Variants in PRKCQ observed in about 807,000 individuals in gnomAD.
PRKCQ encodes the protein protein kinase C theta type.
A neutral mutation model predicts 91.2 loss-of-function variants in PRKCQ; 41 were observed. The ratio of observed to expected loss-of-function variants is 0.45; its 90% CI spans 0.35 to 0.58. The LOEUF is 0.58. Ranked by LOEUF, PRKCQ falls within the 20% of genes least tolerant of loss-of-function variation. The pLI, the probability that PRKCQ is intolerant of heterozygous loss-of-function variation, is 0.00. For missense variants in PRKCQ, 673 were observed against 896.5 expected (o/e 0.75, Z 3.18); for synonymous variants, 307 against 316.9 (o/e 0.97, Z 0.33).
downstream of PRKCQ, among the ~76,000 whole-genome samples, chr10:6,425,761 C>T (rs930170494): frequency 6.6e-6 from 1 of 151,810 alleles, no homozygotes; most frequent in Non-Finnish European, 1.5e-5. Context: ...TCAAGACCAG[C>T]CTAGGAAACA....
chr10:6,454,118 A>G (rs1729717866), intron 15 of PRKCQ, among the ~76,000 whole-genome samples: 1 of 152,202 alleles, frequency 6.6e-6, no homozygotes, highest in Admixed American at 6.6e-5. Context: ...ACTATATATT[A>G]TTGTTAGTAT....
At chr10:6,404,593 TTCTC>T in the PRKCQ span, among the ~76,000 whole-genome samples, 11 of 141,696 alleles carry the variant, frequency 7.8e-5, no homozygotes, top group East Asian at 4.8e-4. Context: ...CTTTCTTTTT[TTCTC>T]TCTCTCTTTC....
intron 4 of PRKCQ, among the ~76,000 whole-genome samples, chr10:6,499,820 G>A (rs779274376): frequency 1.1e-4 from 17 of 152,182 alleles, no homozygotes. Flanking sequence ...ATACCTTATT[G>A]TCCAATCCCT....
chr10:6,406,724 C>T, the PRKCQ span, among the ~76,000 whole-genome samples: 1 of 152,038 alleles, frequency 6.6e-6, no homozygotes, highest in African/African-American at 2.4e-5. Context: ...TAAGATGTGC[C>T]GCCTGAGGCA....
intron 1 of PRKCQ, among the ~76,000 whole-genome samples, chr10:6,519,569 T>G (rs1838912797): frequency 6.6e-6 from 1 of 152,146 alleles, no homozygotes; most frequent in African/African-American, 2.4e-5. Context: ...CAACTCTGAT[T>G]GGACAGGGAA....
the PRKCQ span, among the ~76,000 whole-genome samples, chr10:6,398,748 C>A: frequency 2.3e-5 from 3 of 129,256 alleles, no homozygotes; most frequent in African/African-American, 5.4e-5. Flanking sequence ...TTTTCTTTTT[C>A]TTTTTTTTTC....
intron 15 of PRKCQ, among the ~76,000 whole-genome samples, chr10:6,448,916 A>G (rs537523942): frequency 6.6e-6 from 1 of 151,976 alleles, no homozygotes; most frequent in South Asian, 2.1e-4. Context: ...GGACATCCAC[A>G]CCAAAAACCC....
At position 6,441,213 on chromosome 10, in the gene PRKCQ, A is replaced by T. The variant is rs1479310579; in HGVS notation, c.1836+680T>A. Among the ~76,000 whole-genome samples, 10 of 147,838 alleles carry T rather than the reference A, an allele frequency of 6.8e-5. No individual in the cohort carries two copies. In the East Asian group the frequency reaches 8.5e-4, roughly 13 times the overall value. ...TGGGAAACAAAAGACTGAGTAAAAT[A>T]AAAAAAAACCCTCTATATAACATAA... On this transcript the variant is annotated intron_variant, in intron 16 of 17. Coordinates refer to ENST00000263125, the MANE Select transcript of PRKCQ (RefSeq NM_006257.5).
intron 1 of PRKCQ, among the ~76,000 whole-genome samples, chr10:6,544,163 C>G (rs1488876050): frequency 6.6e-6 from 1 of 152,150 alleles, no homozygotes; most frequent in Admixed American, 6.5e-5. Context: ...GTAGAATATT[C>G]ATGGGAATTT....
intron 15 of PRKCQ, among the ~76,000 whole-genome samples, chr10:6,448,597 CG>C (rs945704495): frequency 2.6e-5 from 4 of 151,882 alleles, no homozygotes; most frequent in African/African-American, 9.7e-5. Flanking sequence ...TTAGTAGAGA[CG>C]GGGTTTCACC....
At chr10:6,509,021 A>G (rs1838337657) in intron 3 of PRKCQ, among the ~76,000 whole-genome samples, 1 of 152,248 alleles carries the variant, frequency 6.6e-6, no homozygotes, top group South Asian at 2.1e-4. Context: ...TATAAGTCCC[A>G]ACAACCTGTT....
At chr10:6,578,113 G>A (rs1301970030) in intron 1 of PRKCQ, among the ~76,000 whole-genome samples, 1 of 152,300 alleles carries the variant, frequency 6.6e-6, no homozygotes, top group African/African-American at 2.4e-5. Flanking sequence ...GAGACAGAGA[G>A]TATTATTGTT....
At chr10:6,441,343 T>C (rs1218188744) in intron 16 of PRKCQ, among the ~76,000 whole-genome samples, 1 of 152,204 alleles carries the variant, frequency 6.6e-6, no homozygotes, top group Non-Finnish European at 1.5e-5. Context: ...TGTTTCTCCA[T>C]GTTGGTCAGG....
chr10:6,578,595 G>C (rs1841329453), intron 1 of PRKCQ, among the ~76,000 whole-genome samples: 1 of 152,160 alleles, frequency 6.6e-6, no homozygotes, highest in African/African-American at 2.4e-5. Flanking sequence ...GGTTTTAGAA[G>C]CTCTCCCTAC....
At chr10:6,420,548 G>T in the PRKCQ span, among the ~76,000 whole-genome samples, 32 of 151,840 alleles carry the variant, frequency 2.1e-4, no homozygotes, top group African/African-American at 7.7e-4. Context: ...CCTTTTTTTT[G>T]GTAAAATATA....
intron 1 of PRKCQ, among the ~76,000 whole-genome samples, chr10:6,567,643 G>A (rs538661752): frequency 1.3e-5 from 2 of 152,244 alleles, no homozygotes; most frequent in East Asian, 3.9e-4. Flanking sequence ...CATTGTTTTA[G>A]CTGGGGTTTA....
chr10:6,502,192 C>A (rs916049255), intron 4 of PRKCQ, among the ~76,000 whole-genome samples: 1 of 152,196 alleles, frequency 6.6e-6, no homozygotes, highest in Non-Finnish European at 1.5e-5. Flanking sequence ...GAGGTATTCA[C>A]AGGATGCTGT....
At position 6,564,039 on chromosome 10, in the gene PRKCQ, G is replaced by C. The variant is rs75823422; in HGVS notation, c.-10+16172C>G. On this transcript the variant is annotated intron_variant, in intron 1 of 17. Coordinates refer to ENST00000263125, the MANE Select transcript of PRKCQ (RefSeq NM_006257.5). Reference sequence around the variant, plus strand: ...CAGGCCTGGGATCAGGTGCAGAGCTGTAAAATGCAAGAGGCTTCTGGGGAG... The same window carrying C: ...CAGGCCTGGGATCAGGTGCAGAGCTCTAAAATGCAAGAGGCTTCTGGGGAG... Among the ~76,000 whole-genome samples, 1,416 of 152,304 alleles carry C rather than the reference G, an allele frequency of 9.3e-3. 15 individuals are homozygous for C. The highest frequency in any genetic ancestry group is 0.032 in the African/African-American group (1,335 of 41,544).
At chr10:6,539,688 C>T (rs1839707508) in intron 1 of PRKCQ, among the ~76,000 whole-genome samples, 1 of 152,132 alleles carries the variant, frequency 6.6e-6, no homozygotes. Context: ...TTCCCCACCC[C>T]AGTCTGTGGA....
Sources: allele counts gnomAD v4.1 joint callset (sites outside exome capture counted in the v4.1 genomes callset), GRCh38; gene constraint gnomAD v4.1.1; transcripts MANE v1.5; gene names NCBI Gene and HGNC (gene_info 2026-07-23, HGNC 2026-07-21).